The following ADGRV1 variants were observed in gnomAD, a reference collection of about 807,000 sequenced individuals.
The protein encoded by ADGRV1 is adhesion G protein-coupled receptor V1, also known as G-protein coupled receptor 98.
ADGRV1 carries 359 observed loss-of-function variants against 596.2 expected under a neutral mutation model. The observed-to-expected ratio is 0.60, with a 90% CI of 0.55 to 0.66. ADGRV1 has a LOEUF of 0.66. ADGRV1 is among the 30% of genes least tolerant of loss of function. The probability of loss-of-function intolerance (pLI) is 0.00; values close to 1 mark genes in which losing one functional copy is unlikely to be tolerated. For missense variants in ADGRV1, 7,274 were observed against 7,575.6 expected, an observed-to-expected ratio of 0.96 and a Z score of 1.48; for synonymous variants, 2,681 against 2,679.2, an observed-to-expected ratio of 1.00 and a Z score of -0.02.
intron 50 of ADGRV1, among the ~76,000 whole-genome samples, chr5:90,741,923 T>G (rs1485619992): frequency 6.6e-6 from 1 of 152,214 alleles, no homozygotes; most frequent in East Asian, 1.9e-4. Flanking sequence ...ATATTTATTC[T>G]GGTTAATGAC....
At chr5:91,032,346 C>T (rs1004516265) in intron 85 of ADGRV1, among the ~76,000 whole-genome samples, 5 of 152,126 alleles carry the variant, frequency 3.3e-5, no homozygotes, top group African/African-American at 9.6e-5. Context: ...TAAATATAAA[C>T]GGAAGCAGAG....
At chr5:90,729,588 C>T in intron 49 of ADGRV1, 54 bp from the exon 50 acceptor site, 6 of 1,381,150 alleles carry the variant, frequency 4.3e-6, no homozygotes, top group South Asian at 1.3e-5. Flanking sequence ...GTAATTTTGT[C>T]ATTTTTTTCT....
chr5:91,111,295 G>A (rs761389220), intron 87 of ADGRV1, among the ~76,000 whole-genome samples: 11 of 151,732 alleles, frequency 7.2e-5, no homozygotes, highest in Non-Finnish European at 1.6e-4. Flanking sequence ...TGTGTCTCTC[G>A]TTGCTATATG....
At chr5:90,633,737 G>A (rs1211758123) in intron 9 of ADGRV1, among the ~76,000 whole-genome samples, 2 of 151,780 alleles carry the variant, frequency 1.3e-5, no homozygotes, top group Non-Finnish European at 2.9e-5. Flanking sequence ...TAAAGATCAC[G>A]TTTTATTTTA....
chr5:90,781,346 G>T, intron 64 of ADGRV1, 84 bp from the exon 65 acceptor site: 2 of 1,009,500 alleles, frequency 2.0e-6, no homozygotes, highest in Non-Finnish European at 3.1e-6. Context: ...GGAGCTAAGA[G>T]GATCTTTTAA....
chr5:90,566,959 C>G (rs553284378), intron 1 of ADGRV1, among the ~76,000 whole-genome samples: 2 of 151,946 alleles, frequency 1.3e-5, no homozygotes, highest in African/African-American at 4.8e-5. Flanking sequence ...TTATAGATAC[C>G]CTTTGTCAGA....
intron 59 of ADGRV1, among the ~76,000 whole-genome samples, chr5:90,769,777 G>T (rs952583191): frequency 6.6e-6 from 1 of 152,010 alleles, no homozygotes; most frequent in Non-Finnish European, 1.5e-5. Context: ...AAAAAATTTT[G>T]TAAGGGCTTC....
At chr5:90,853,974 A>G (rs1766781351) in intron 80 of ADGRV1, 88 bp from the exon 81 acceptor site, 1 of 912,974 alleles carries the variant, frequency 1.1e-6, no homozygotes, top group East Asian at 2.6e-5. Context: ...TGTAGCTACT[A>G]GAAAAATGAA....
rs144778393 is a variant in ADGRV1, at chr5:91,072,321, C to G, written c.18153-126C>G. On this transcript the variant is annotated intron_variant, in intron 85 of 89. Coordinates refer to ENST00000405460, the MANE Select transcript of ADGRV1 (RefSeq NM_032119.4). ...CAAACAAAACTTCAGTTTGGCAAAC[C>G]AAAAATCTGATGTTGCCAGCATCTG... 692 of 864,688 alleles carry G rather than the reference C, an allele frequency of 8.0e-4. 2 individuals are homozygous for G. The African/African-American group carries it at 0.011, about 13-fold the overall frequency. 53.6% of individuals were successfully genotyped at this position (864,688 alleles called of 1,614,324 possible). A position where few individuals can be genotyped will look rare whatever the true frequency, so the allele number is the denominator to read the frequency against.
At position 91,067,641 on chromosome 5, in the gene ADGRV1, T is replaced by G. The variant is rs115809605; in HGVS notation, c.18153-4806T>G. The stretch of plus-strand genomic sequence containing the variant: ...TAGCACTCTGTACAAAATCTTTATA[T>G]TCCTAGAGTAATTCAATAATTGAGT... On this transcript the variant is annotated intron_variant, in intron 85 of 89. Coordinates refer to ENST00000405460, the MANE Select transcript of ADGRV1 (RefSeq NM_032119.4). Among the ~76,000 whole-genome samples, 376 of 152,354 alleles carry G rather than the reference T, an allele frequency of 2.5e-3. 3 individuals carry two copies. The highest frequency in any genetic ancestry group is 8.4e-3 in the African/African-American group (348 of 41,584).
At chr5:90,568,208 G>T (rs1420851397) in intron 1 of ADGRV1, among the ~76,000 whole-genome samples, 1 of 151,610 alleles carries the variant, frequency 6.6e-6, no homozygotes, top group Admixed American at 6.6e-5. Flanking sequence ...GGCAGTTTAG[G>T]TTCTTTATTT....
chr5:90,749,330 C>T (rs890901086), intron 52 of ADGRV1, among the ~76,000 whole-genome samples: 1 of 152,142 alleles, frequency 6.6e-6, no homozygotes, highest in Non-Finnish European at 1.5e-5. Flanking sequence ...ATGAAGTGCT[C>T]ATTTTATTAA....
chr5:90,910,209 G>A (rs1486526089), intron 83 of ADGRV1, among the ~76,000 whole-genome samples: 2 of 152,330 alleles, frequency 1.3e-5, no homozygotes, highest in Admixed American at 6.5e-5. Flanking sequence ...TACTTGTGAC[G>A]CAGTCACATG....
At chr5:90,827,325 A>G (rs1764150949) in intron 76 of ADGRV1, among the ~76,000 whole-genome samples, 1 of 152,188 alleles carries the variant, frequency 6.6e-6, no homozygotes, top group African/African-American at 2.4e-5. Context: ...ATTAGACTTC[A>G]GAAATATTGT....
At chr5:90,661,552 T>C (rs892896887) in intron 21 of ADGRV1, among the ~76,000 whole-genome samples, 1 of 152,202 alleles carries the variant, frequency 6.6e-6, no homozygotes, top group Non-Finnish European at 1.5e-5. Context: ...TCTATTGCAA[T>C]AGAGAAGGCC....
chr5:90,697,046 G>T lies in ADGRV1; in HGVS notation c.8055G>T (p.Leu2685Phe), dbSNP rs1197775920. ...ACACTGAAGGTGGAAGTAGAATTTT[G>T]CCAAGCTCCGACACTGTTAGAGTGA... is the stretch of plus-strand genomic sequence containing the variant. ...LVYTEGGSRI[L>F]PSSDTVRVNI... The change falls in exon 34 of 90, where the codon TTG becomes TTT. Residue 2685 changes from leucine (L) to phenylalanine (F), a missense_variant. Physicochemically the swap from Leu to Phe is conservative, Grantham distance 22. This residue lies in a region of ADGRV1 where 3,643 missense variants were observed against 3,809.2 expected (regional missense o/e 0.96). Transcript: ENST00000405460. The T allele has an allele frequency of 6.2e-7, 1 of 1,613,272 alleles. No homozygotes were observed. Among genetic ancestry groups the T allele is most frequent in the Non-Finnish European group, 8.5e-7 (1 of 1,179,494 alleles).
chr5:90,653,185 C>T, intron 19 of ADGRV1, 24 bp from the exon 20 acceptor site: 1 of 1,553,350 alleles, frequency 6.4e-7, no homozygotes, highest in South Asian at 1.2e-5. Context: ...TCTAGTTTCT[C>T]ACTCATAAAT....
At chr5:90,896,914 T>C (rs1357010988) in intron 83 of ADGRV1, among the ~76,000 whole-genome samples, 1 of 152,184 alleles carries the variant, frequency 6.6e-6, no homozygotes, top group East Asian at 1.9e-4. Flanking sequence ...GACATTCCCC[T>C]TATGGCAGGT....
intron 2 of ADGRV1, among the ~76,000 whole-genome samples, chr5:90,615,722 ATCCAGTGCTATAATT>A (rs1257220687): frequency 6.6e-6 from 1 of 151,922 alleles, no homozygotes; most frequent in Non-Finnish European, 1.5e-5. Flanking sequence ...CTATGAACGA[ATCCAGTGCTATAATT>A]TTAGTTATTT....
Sources: allele counts gnomAD v4.1 joint callset (sites outside exome capture counted in the v4.1 genomes callset), GRCh38; gene constraint gnomAD v4.1.1; regional missense constraint gnomAD v4.1.1; transcripts MANE v1.5; gene names NCBI Gene and HGNC (gene_info 2026-07-23, HGNC 2026-07-21).